The following DRC4 variants were observed in gnomAD, a reference collection of about 807,000 sequenced individuals.
DRC4 encodes the protein GAS-11.
chr16:90,031,225 T>C, the DRC4 span: 1 of 1,597,948 alleles, frequency 6.3e-7, no homozygotes, highest in Admixed American at 1.7e-5. Context: ...TCCTTGCCTT[T>C]CGCCGGCCAC....
chr16:90,031,353 C>G, the DRC4 span: 1 of 1,613,618 alleles, frequency 6.2e-7, no homozygotes, highest in Non-Finnish European at 8.5e-7. Context: ...GCGGGAGGAA[C>G]GAAACTACTT....
chr16:90,031,763 G>C, the DRC4 span, among the ~76,000 whole-genome samples: 1 of 152,142 alleles, frequency 6.6e-6, no homozygotes, highest in Non-Finnish European at 1.5e-5. Context: ...CCATGAGCTG[G>C]GGATGCACCT....
At chr16:90,026,284 A>C in the DRC4 span, among the ~76,000 whole-genome samples, 1 of 152,148 alleles carries the variant, frequency 6.6e-6, no homozygotes, top group Non-Finnish European at 1.5e-5. Flanking sequence ...TGGTTTCAGC[A>C]ACTTCCACAA....
chr16:90,029,197 C>G, the DRC4 span: 16 of 1,351,286 alleles, frequency 1.2e-5, no homozygotes, highest in Middle Eastern at 2.1e-4. Context: ...TATGGGGCAG[C>G]CTACGGGGCA....
the DRC4 span, chr16:90,019,796 T>G: frequency 1.5e-6 from 1 of 688,680 alleles, no homozygotes; most frequent in Admixed American, 2.2e-5. The surrounding 1 kb of genome is among the most constrained non-coding windows in gnomAD (Gnocchi z 6.1). Context: ...GCCGACTGTG[T>G]GCGGGCGCCC....
chr16:90,021,597 C>T, the DRC4 span, among the ~76,000 whole-genome samples: 2 of 151,860 alleles, frequency 1.3e-5, no homozygotes, highest in African/African-American at 4.8e-5. Flanking sequence ...TAGGGCTGGG[C>T]GTGGGGCTCA....
the DRC4 span, chr16:90,029,371 T>C: frequency 8.1e-7 from 1 of 1,236,454 alleles, no homozygotes; most frequent in South Asian, 1.2e-5. Context: ...CTTGTGGGCC[T>C]AGGAGTTCAG....
chr16:90,030,215 A>C, the DRC4 span, among the ~76,000 whole-genome samples: 1 of 151,716 alleles, frequency 6.6e-6, no homozygotes, highest in Non-Finnish European at 1.5e-5. Flanking sequence ...TCAAAGGTGA[A>C]TTTTTTTTCA....
the DRC4 span, chr16:90,022,782 C>T: frequency 6.2e-6 from 8 of 1,299,628 alleles, no homozygotes; most frequent in Non-Finnish European, 7.9e-6. Context: ...GACCTCGGGG[C>T]AGGGAGGCCT....
At chr16:90,042,138 G>A in the DRC4 span, among the ~76,000 whole-genome samples, 21 of 152,206 alleles carry the variant, frequency 1.4e-4, no homozygotes, top group Non-Finnish European at 1.8e-4. Flanking sequence ...GTTTCGCCAC[G>A]TTGGCCAGGC....
chr16:90,022,117 G>A, the DRC4 span: 1 of 152,204 alleles, frequency 6.6e-6, no homozygotes, highest in Non-Finnish European at 1.5e-5. Context: ...AGGAAGAGCA[G>A]TTTATTTTTG....
the DRC4 span, among the ~76,000 whole-genome samples, chr16:90,040,729 G>T: frequency 1.2e-5 from 1 of 80,592 alleles, no homozygotes; most frequent in Admixed American, 1.2e-4. Context: ...TTGATGGGGA[G>T]CACAGGGCTG....
At chr16:90,038,228 A>G in the DRC4 span, among the ~76,000 whole-genome samples, 1 of 152,180 alleles carries the variant, frequency 6.6e-6, no homozygotes, top group Non-Finnish European at 1.5e-5. Context: ...AGTGAAGATG[A>G]GTCTCCGGCT....
chr16:90,020,313 A>AAAAAAG, the DRC4 span, among the ~76,000 whole-genome samples: 19 of 151,950 alleles, frequency 1.3e-4, no homozygotes, highest in African/African-American at 3.4e-4. Flanking sequence ...CTCAAAAAAA[A>AAAAAAG]AAAAGAAAAG....
At chr16:90,041,619 G>T in the DRC4 span, among the ~76,000 whole-genome samples, 1 of 152,086 alleles carries the variant, frequency 6.6e-6, no homozygotes, top group African/African-American at 2.4e-5. Context: ...GCCTGGCCAA[G>T]ATGGTGAAAC....
the DRC4 span, chr16:90,031,248 C>T: frequency 2.2e-5 from 35 of 1,607,122 alleles, 1 homozygote; most frequent in African/African-American, 9.3e-5. Flanking sequence ...GCCCCGTTGC[C>T]GTGCATGGGC....
At chr16:90,025,017 C>CTTTTT in the DRC4 span, among the ~76,000 whole-genome samples, 1 of 137,338 alleles carries the variant, frequency 7.3e-6, no homozygotes, top group African/African-American at 2.8e-5. Flanking sequence ...TTCTCTCTCT[C>CTTTTT]TTTTTTTTTT....
the DRC4 span, chr16:90,042,661 T>G: frequency 1.3e-6 from 1 of 741,854 alleles, no homozygotes. Flanking sequence ...CAGCTGTCAC[T>G]GTCCCCACGT....
At chr16:90,024,385 A>C in the DRC4 span, among the ~76,000 whole-genome samples, 2 of 152,182 alleles carry the variant, frequency 1.3e-5, no homozygotes, top group African/African-American at 4.8e-5. Context: ...GTTACCTTTT[A>C]AGCTTTTCGT....
Sources: allele counts gnomAD v4.1 joint callset (sites outside exome capture counted in the v4.1 genomes callset), GRCh38; gene constraint gnomAD v4.1.1; non-coding constraint Gnocchi (gnomAD v3.1); transcripts MANE v1.5; gene names NCBI Gene and HGNC (gene_info 2026-07-23, HGNC 2026-07-21).